Variants in AREL1 observed in about 807,000 individuals in gnomAD.
The protein encoded by AREL1 is apoptosis resistant E3 ubiquitin protein ligase 1.
Under a neutral mutation model 99.0 loss-of-function variants are expected in AREL1, and 62 were observed. That is an observed-to-expected ratio of 0.63 (90% CI 0.51 to 0.77). The LOEUF is 0.77. Ranked by LOEUF, AREL1 falls within the 30% of genes least tolerant of loss-of-function variation. The pLI is 0.00. For missense variants in AREL1, 879 were observed against 1,027.6 expected, an observed-to-expected ratio of 0.86 and a Z score of 1.98; for synonymous variants, 380 against 376.5, an observed-to-expected ratio of 1.01 and a Z score of -0.11.
chr14:74,685,503 G>C, intron 3 of AREL1, 97 bp downstream of exon 3: 1 of 1,392,142 alleles, frequency 7.2e-7, no homozygotes, highest in South Asian at 1.2e-5. Flanking sequence ...AATATTTTCA[G>C]CTCCATTTTC....
intron 5 of AREL1, among the ~76,000 whole-genome samples, chr14:74,682,680 G>T (rs947183412): frequency 6.6e-6 from 1 of 152,190 alleles, no homozygotes; most frequent in Non-Finnish European, 1.5e-5. Context: ...TCATAGGGGA[G>T]GATCCCTCAT....
chr14:74,671,364 G>T, intron 12 of AREL1, 44 bp downstream of exon 12: 1 of 927,020 alleles, frequency 1.1e-6, no homozygotes, highest in South Asian at 1.8e-5. Flanking sequence ...GGTGCGAGTG[G>T]GGAGGAGAGT....
intron 3 of AREL1, 79 bp from the exon 4 acceptor site, chr14:74,684,759 C>A (rs887808904): frequency 3.0e-6 from 4 of 1,344,740 alleles, no homozygotes; most frequent in Admixed American, 3.8e-5. Context: ...CCAGCCATTT[C>A]TCAAAAATTA....
chr14:74,675,654 CAG>C (rs2089453211), intron 8 of AREL1, 43 bp downstream of exon 8: 1 of 1,589,308 alleles, frequency 6.3e-7, no homozygotes, highest in Admixed American at 1.7e-5. Context: ...CAATTACACA[CAG>C]GTTCAAGCAG....
intron 1 of AREL1, among the ~76,000 whole-genome samples, chr14:74,700,232 C>T (rs1219716454): frequency 2.0e-5 from 3 of 152,220 alleles, no homozygotes; most frequent in Non-Finnish European, 2.9e-5. Context: ...TCTCATTTAA[C>T]TCTCACATCA....
At chr14:74,684,065 A>C (rs1447336305) in intron 4 of AREL1, among the ~76,000 whole-genome samples, 1 of 152,192 alleles carries the variant, frequency 6.6e-6, no homozygotes, top group Non-Finnish European at 1.5e-5. Context: ...ACCGTACACA[A>C]CTACTCAACT....
rs972171676 is a variant in AREL1, at chr14:74,685,737, G to A, written c.-45-77C>T. 3.0e-6 allele frequency: 4 copies of A among 1,329,714 alleles called. No individual in the cohort carries two copies. In the African/African-American group the frequency reaches 4.4e-5, roughly 15 times the overall value. The allele number at this position is 1,329,714 out of a possible 1,614,324, so 82.4% of individuals were successfully genotyped here. A position where few individuals can be genotyped will look rare whatever the true frequency, so the allele number is the denominator to read the frequency against. ...ATCTCAGAGTAAGACAAAGAAGAGT[G>A]TATGGCGTGAGCCAAACAACTCTCT... On this transcript the variant is annotated intron_variant, in intron 2 of 19. Transcript: ENST00000356357.
chr14:74,683,182 T>A, intron 5 of AREL1, 114 bp downstream of exon 5: 1 of 754,744 alleles, frequency 1.3e-6, no homozygotes, highest in Non-Finnish European at 2.1e-6. Context: ...AGGATGAATT[T>A]TATGGCATGG....
At chr14:74,701,137 C>A (rs2090078156) in intron 1 of AREL1, among the ~76,000 whole-genome samples, 1 of 151,928 alleles carries the variant, frequency 6.6e-6, no homozygotes, top group Non-Finnish European at 1.5e-5. Context: ...TCAGAAGCAA[C>A]AGGATCAATG....
intron 2 of AREL1, among the ~76,000 whole-genome samples, chr14:74,686,930 C>T (rs1418573860): frequency 6.6e-6 from 1 of 152,154 alleles, no homozygotes; most frequent in Non-Finnish European, 1.5e-5. Flanking sequence ...AACTACTGAA[C>T]CTCCTTCCCA....
chr14:74,700,503 G>A (rs1342854163), intron 1 of AREL1, among the ~76,000 whole-genome samples: 3 of 152,204 alleles, frequency 2.0e-5, no homozygotes, highest in African/African-American at 7.2e-5. Context: ...TTTTAGCCGG[G>A]CGCAGTGGCT....
At chr14:74,679,175 G>C (rs781365393) in intron 5 of AREL1, among the ~76,000 whole-genome samples, 42 of 152,294 alleles carry the variant, frequency 2.8e-4, no homozygotes, top group Middle Eastern at 6.8e-3. Flanking sequence ...CATCAAAATT[G>C]AAAACATGTG....
intron 5 of AREL1, among the ~76,000 whole-genome samples, chr14:74,677,088 C>T (rs1472303358): frequency 6.6e-6 from 1 of 151,930 alleles, no homozygotes; most frequent in East Asian, 2.0e-4. Flanking sequence ...CGTGAGCCAC[C>T]ACGCCCGGCT....
At chr14:74,687,396 C>G (rs8007335) in intron 2 of AREL1, among the ~76,000 whole-genome samples, 1 of 152,174 alleles carries the variant, frequency 6.6e-6, no homozygotes, top group African/African-American at 2.4e-5. Context: ...TGTGACCTAT[C>G]TAGGCTTCAG....
At chr14:74,678,027 T>C (rs1043404062) in intron 5 of AREL1, among the ~76,000 whole-genome samples, 1 of 152,172 alleles carries the variant, frequency 6.6e-6, no homozygotes, top group African/African-American at 2.4e-5. Flanking sequence ...TTTCCCCAAA[T>C]TGATATATAG....
chr14:74,681,685 C>T (rs539266333), intron 5 of AREL1, among the ~76,000 whole-genome samples: 2 of 151,338 alleles, frequency 1.3e-5, no homozygotes, highest in East Asian at 3.9e-4. Context: ...CAGGAGAATC[C>T]ACTGAACCAG....
At chr14:74,690,544 A>G (rs1206727673) in intron 2 of AREL1, among the ~76,000 whole-genome samples, 1 of 152,202 alleles carries the variant, frequency 6.6e-6, no homozygotes, top group Non-Finnish European at 1.5e-5. Context: ...GGGGTTGCAG[A>G]TTCCCATGCA....
At chr14:74,667,004 G>A (rs545375310) in intron 17 of AREL1, among the ~76,000 whole-genome samples, 2 of 152,206 alleles carry the variant, frequency 1.3e-5, no homozygotes, top group African/African-American at 4.8e-5. Flanking sequence ...ACAGAAGTGA[G>A]CCACCATGCC....
chr14:74,680,863 T>C (rs2089611948), intron 5 of AREL1, among the ~76,000 whole-genome samples: 2 of 152,082 alleles, frequency 1.3e-5, no homozygotes, highest in African/African-American at 4.8e-5. Context: ...TTGCCAATAT[T>C]CCAAAACCCC....
Sources: allele counts gnomAD v4.1 joint callset (sites outside exome capture counted in the v4.1 genomes callset), GRCh38; gene constraint gnomAD v4.1.1; transcripts MANE v1.5; gene names NCBI Gene and HGNC (gene_info 2026-07-23, HGNC 2026-07-21).